Variants in ANO7 observed in about 807,000 individuals in gnomAD.
ANO7 encodes the protein anoctamin-7.
Under a neutral mutation model 115.8 loss-of-function variants are expected in ANO7, and 114 were observed. The ratio of observed to expected loss-of-function variants is 0.98; its 90% CI spans 0.85 to 1.15. ANO7 has a LOEUF of 1.15. Among genes scored for constraint, ANO7 ranks in the 50% most tolerant of loss-of-function variants. ANO7 has a pLI of 0.00. For missense variants in ANO7, 1,302 were observed against 1,201.2 expected (o/e 1.08, Z -1.24); for synonymous variants, 550 against 498.2 (o/e 1.10, Z -1.38).
chr2:241,237,879 A>G, the ANO7 span, among the ~76,000 whole-genome samples: 1 of 152,320 alleles, frequency 6.6e-6, no homozygotes, highest in Non-Finnish European at 1.5e-5. Context: ...TTAGTTTCCT[A>G]CTCAAAACAC....
At chr2:241,235,637 C>T in the ANO7 span, 16 of 1,404,588 alleles carry the variant, frequency 1.1e-5, no homozygotes, top group East Asian at 2.3e-5. Context: ...GAGCTGAGAG[C>T]AGAGTGACGT....
the ANO7 span, among the ~76,000 whole-genome samples, chr2:241,237,151 G>T: frequency 6.6e-6 from 1 of 152,222 alleles, no homozygotes; most frequent in Non-Finnish European, 1.5e-5. Context: ...GCACAAGTGA[G>T]GCTTGACTGT....
intron 22 of ANO7, 191 bp from the exon 23 acceptor site, chr2:241,223,471 G>T: frequency 9.6e-7 from 1 of 1,043,740 alleles, no homozygotes; most frequent in Non-Finnish European, 1.4e-6. Flanking sequence ...GACATTGTGG[G>T]TGTCTCCACA....
At chr2:241,199,666 C>A (rs2068424142) in intron 5 of ANO7, among the ~76,000 whole-genome samples, 1 of 152,228 alleles carries the variant, frequency 6.6e-6, no homozygotes, top group Admixed American at 6.5e-5. Flanking sequence ...ACTGAGCTGG[C>A]CCCTCCAGGC....
At chr2:241,233,704 C>T in the ANO7 span, 1 of 1,115,992 alleles carries the variant, frequency 9.0e-7, no homozygotes, top group Admixed American at 2.1e-5. This position sits in a 1 kb window ranked among gnomAD's most constrained non-coding sequence, Gnocchi z 4.3. Flanking sequence ...GAGAGACTTG[C>T]CACTCTCAAC....
chr2:241,203,531 G>A lies in ANO7; in HGVS notation c.889+33G>A, dbSNP rs1322298783. The A allele has an allele frequency of 8.5e-6, 12 of 1,408,604 alleles. No individual in the cohort carries two copies. Among genetic ancestry groups the A allele is most frequent in the Non-Finnish European group, 1.1e-5 (12 of 1,070,044 alleles). 87.3% of individuals were successfully genotyped at this position (1,408,604 alleles called of 1,614,324 possible). A position where few individuals can be genotyped will look rare whatever the true frequency, so the allele number is the denominator to read the frequency against. ...CCCCCCGCTGCCCCCCAGACCACCTGGGCCCCCCCAGCTTGGTGTCAGGTT... is the reference window on the plus strand; with the variant it reads ...CCCCCCGCTGCCCCCCAGACCACCTAGGCCCCCCCAGCTTGGTGTCAGGTT... On this transcript the variant is annotated intron_variant, in intron 9 of 24. Coordinates refer to ENST00000674324, the MANE Select transcript of ANO7 (RefSeq NM_001370694.2). This position sits in a 1 kb window ranked among gnomAD's most constrained non-coding sequence, Gnocchi z 4.8.
rs2069127550 is a variant in ANO7, at chr2:241,225,137, C to T, written c.*984C>T. ...GCTAACTTGCTACCCCGCAGCAATC[C>T]CAGTGTGGCCGTCTGCTTGCTAAAA... is the stretch of plus-strand genomic sequence containing the variant. On this transcript the variant is annotated 3_prime_UTR_variant, in exon 25 of 25. Transcript: ENST00000674324. The T allele has an allele frequency of 6.6e-6, 1 of 152,174 alleles. No individual in the cohort carries two copies. Among genetic ancestry groups the T allele is most frequent in the African/African-American group, 2.4e-5 (1 of 41,424 alleles). 9.4% of individuals were successfully genotyped at this position (152,174 alleles called of 1,614,324 possible).
intron 3 of ANO7, among the ~76,000 whole-genome samples, chr2:241,194,349 C>A (rs1014550975): frequency 2.0e-5 from 3 of 150,220 alleles, no homozygotes; most frequent in African/African-American, 7.4e-5. Flanking sequence ...CTCTGTTGCC[C>A]TGTTGCCCAG....
At chr2:241,215,047 C>T (rs999283028) in intron 18 of ANO7, 145 bp downstream of exon 18, 6 of 768,678 alleles carry the variant, frequency 7.8e-6, no homozygotes, top group Non-Finnish European at 1.2e-5. Flanking sequence ...GGGAGTGTGC[C>T]CGGCCGTCTG....
intron 6 of ANO7, 125 bp downstream of exon 6, chr2:241,200,350 G>C: frequency 7.7e-7 from 1 of 1,299,676 alleles, no homozygotes; most frequent in Middle Eastern, 1.9e-4. Flanking sequence ...GGGAATCTGA[G>C]GCCAGGTGCG....
intron 3 of ANO7, among the ~76,000 whole-genome samples, chr2:241,192,197 T>G: frequency 6.6e-6 from 1 of 152,178 alleles, no homozygotes; most frequent in Non-Finnish European, 1.5e-5. Context: ...TGGTGGCACA[T>G]GCCTGTAATT....
At chr2:241,196,661 T>C (rs1378198497) in intron 4 of ANO7, among the ~76,000 whole-genome samples, 1 of 152,236 alleles carries the variant, frequency 6.6e-6, no homozygotes, top group East Asian at 1.9e-4. Context: ...TGCGGGGTCA[T>C]TCCTGCGGTG....
In ANO7 at chr2:241,188,740, G is replaced by A. The variant is rs2068115824; in HGVS notation, c.-34G>A. On this transcript the variant is annotated 5_prime_UTR_variant, in exon 1 of 25. Coordinates refer to ENST00000674324, the MANE Select transcript of ANO7 (RefSeq NM_001370694.2). The surrounding 1 kb of genome is among the most constrained non-coding windows in gnomAD (Gnocchi z 4.3). ...CTGAGAGGTGGGCCATGACCTCCGA[G>A]ACCTCTTCCGGAAGCCACTGTGCCA... 3 of 1,613,450 alleles carry A rather than the reference G, an allele frequency of 1.9e-6. No individual in the cohort carries two copies. The highest frequency in any genetic ancestry group is 2.2e-5 in the South Asian group (2 of 91,070).
At chr2:241,222,302 G>A (rs1236076994) in intron 21 of ANO7, among the ~76,000 whole-genome samples, 2 of 151,558 alleles carry the variant, frequency 1.3e-5, no homozygotes, top group African/African-American at 2.4e-5. Flanking sequence ...ATGAGCCACC[G>A]CGCCCGGCTG....
intron 8 of ANO7, among the ~76,000 whole-genome samples, chr2:241,202,974 A>G (rs898742033): frequency 4.6e-5 from 7 of 152,158 alleles, no homozygotes; most frequent in African/African-American, 1.7e-4. Flanking sequence ...CCCGCCAGCC[A>G]GGGCCCAGAA....
At chr2:241,198,242 G>A (rs1451269619) in intron 4 of ANO7, among the ~76,000 whole-genome samples, 1 of 152,068 alleles carries the variant, frequency 6.6e-6, no homozygotes, top group Non-Finnish European at 1.5e-5. Flanking sequence ...CCCACCCCAG[G>A]GTGCCCCTCC....
chr2:241,216,357 T>G, intron 19 of ANO7, 119 bp downstream of exon 19: 2 of 1,282,146 alleles, frequency 1.6e-6, no homozygotes, highest in Non-Finnish European at 2.1e-6. Flanking sequence ...TGAAATGTGC[T>G]GTGGGGGTGG....
chr2:241,217,449 G>A (rs1450562626), intron 19 of ANO7, among the ~76,000 whole-genome samples: 1 of 152,264 alleles, frequency 6.6e-6, no homozygotes. Context: ...AGCCGGAGAA[G>A]GCCCGTGACC....
downstream of ANO7, chr2:241,227,166 G>T (rs1282445101): frequency 2.0e-5 from 3 of 152,328 alleles, no homozygotes; most frequent in Non-Finnish European, 4.4e-5. Flanking sequence ...TGAACACAGT[G>T]TTGAGAACTG....
Sources: allele counts gnomAD v4.1 joint callset (sites outside exome capture counted in the v4.1 genomes callset), GRCh38; gene constraint gnomAD v4.1.1; non-coding constraint Gnocchi (gnomAD v3.1); transcripts MANE v1.5; gene names NCBI Gene and HGNC (gene_info 2026-07-23, HGNC 2026-07-21).